The following UMAD1 variants were observed in gnomAD, a reference collection of about 807,000 sequenced individuals.
UMAD1 encodes the protein UBAP1-MVB12-associated (UMA) domain containing 1, also known as UBAP1-MVB12-associated (UMA)-domain containing protein 1.
In UMAD1, 8 loss-of-function variants were observed where a neutral mutation model predicts 6.1. That is an observed-to-expected ratio of 1.30 (90% CI 0.76 to 2.35). The LOEUF is 2.35. Ranked by LOEUF, UMAD1 falls within the 30% of genes most tolerant of loss-of-function variation. UMAD1 has a pLI of 0.00. For synonymous variants in UMAD1, 56 were observed against 31.4 expected (o/e 1.78, Z -2.61); for missense variants, 130 against 78.4 (o/e 1.66, Z -2.49).
chr7:7,859,905 A>G (rs1359127585), intron 3 of UMAD1, among the ~76,000 whole-genome samples: 2 of 152,182 alleles, frequency 1.3e-5, no homozygotes, highest in Non-Finnish European at 2.9e-5. Flanking sequence ...GCTTATGTAA[A>G]GTTTGTTACT....
intron 3 of UMAD1, among the ~76,000 whole-genome samples, chr7:7,854,355 C>CAAAAAAAAAAAAAAAA (rs34829393): frequency 2.0e-5 from 1 of 49,162 alleles, no homozygotes; most frequent in Non-Finnish European, 3.6e-5. Context: ...AGCTCCATCT[C>CAAAAAAAAAAAAAAAA]AAAAAAAAAA....
Position 7,729,859 on chromosome 7 carries a change from C to T in UMAD1, c.82+56406C>T, listed in dbSNP as rs112113556. 7.0e-4 allele frequency among the ~76,000 whole-genome samples: 106 copies of T among 152,306 alleles called. 2 individuals carry two copies. Among genetic ancestry groups the T allele is most frequent in the African/African-American group, 2.4e-3 (100 of 41,562 alleles). On this transcript the variant is annotated intron_variant, in intron 2 of 3. Transcript: ENST00000682710. ...TTTAAACCCAGAAATCCTACCCTCT[C>T]GTGTCAAGTTGTCCCTCTTTCCTGC...
intron 1 of UMAD1, among the ~76,000 whole-genome samples, chr7:7,659,650 T>G (rs2115087995): frequency 6.6e-6 from 1 of 152,346 alleles, no homozygotes; most frequent in South Asian, 2.1e-4. Context: ...TCTCATTTGA[T>G]TGCACTGTGG....
At chr7:7,647,193 G>C (rs549639755) in intron 1 of UMAD1, among the ~76,000 whole-genome samples, 35 of 152,258 alleles carry the variant, frequency 2.3e-4, no homozygotes, top group African/African-American at 8.4e-4. Flanking sequence ...ATAAGCAGGT[G>C]TACATTAAGT....
intron 2 of UMAD1, among the ~76,000 whole-genome samples, chr7:7,743,822 G>A (rs558105717): frequency 3.3e-5 from 5 of 151,702 alleles, no homozygotes; most frequent in Non-Finnish European, 5.9e-5. Context: ...ATTTAGTAGC[G>A]TTAATTATAT....
chr7:7,827,012 A>G (rs1399167192), intron 3 of UMAD1, among the ~76,000 whole-genome samples: 1 of 152,084 alleles, frequency 6.6e-6, no homozygotes, highest in Non-Finnish European at 1.5e-5. Flanking sequence ...TTATAAGACT[A>G]TTCAGAAAAT....
At chr7:7,742,982 A>G (rs1467839428) in intron 2 of UMAD1, among the ~76,000 whole-genome samples, 1 of 151,116 alleles carries the variant, frequency 6.6e-6, no homozygotes, top group Non-Finnish European at 1.5e-5. Flanking sequence ...CGTGCGTTTT[A>G]CACTCCATGC....
intron 3 of UMAD1, among the ~76,000 whole-genome samples, chr7:7,810,378 T>A (rs914792580): frequency 5.9e-5 from 9 of 152,124 alleles, no homozygotes; most frequent in Non-Finnish European, 1.2e-4. Context: ...GAAAATAGTC[T>A]TTTAAATCCA....
chr7:7,777,505 CAAAA>C (rs1191099834), intron 2 of UMAD1, among the ~76,000 whole-genome samples: 1 of 24,564 alleles, frequency 4.1e-5, no homozygotes, highest in African/African-American at 1.9e-4. Context: ...GACTCCATCT[CAAAA>C]AAAAAAAAAA....
intron 3 of UMAD1, among the ~76,000 whole-genome samples, chr7:7,829,628 A>G (rs1288604335): frequency 6.6e-6 from 1 of 152,246 alleles, no homozygotes; most frequent in Non-Finnish European, 1.5e-5. Flanking sequence ...TTTTTATTTT[A>G]AAGAAACATA....
intron 1 of UMAD1, among the ~76,000 whole-genome samples, chr7:7,649,830 A>G (rs1180960355): frequency 1.3e-5 from 2 of 152,176 alleles, no homozygotes; most frequent in African/African-American, 4.8e-5. Flanking sequence ...GAGAGGGCAC[A>G]TGAATTGGAT....
At chr7:7,802,919 A>G (rs955884686) in intron 3 of UMAD1, among the ~76,000 whole-genome samples, 7 of 152,232 alleles carry the variant, frequency 4.6e-5, no homozygotes, top group African/African-American at 1.7e-4. Flanking sequence ...ATATTTTGCA[A>G]TCAAGGAAAA....
At chr7:7,814,515 G>T (rs1783088188) in intron 3 of UMAD1, among the ~76,000 whole-genome samples, 1 of 151,926 alleles carries the variant, frequency 6.6e-6, no homozygotes, top group Non-Finnish European at 1.5e-5. Flanking sequence ...ATTTTTCCTG[G>T]ACGTAATTTT....
At chr7:7,654,210 C>G (rs746883237) in intron 1 of UMAD1, among the ~76,000 whole-genome samples, 3 of 152,208 alleles carry the variant, frequency 2.0e-5, no homozygotes, top group African/African-American at 7.2e-5. Context: ...TGACTATTCT[C>G]TAGTAGATAC....
intron 3 of UMAD1, among the ~76,000 whole-genome samples, chr7:7,817,980 A>AT (rs1482445436): frequency 2.6e-5 from 4 of 151,708 alleles, no homozygotes; most frequent in Non-Finnish European, 5.9e-5. Flanking sequence ...GGCTCAGCTA[A>AT]TTTTCTTTTT....
chr7:7,851,209 A>G (rs1306673262), intron 3 of UMAD1, among the ~76,000 whole-genome samples: 1 of 152,136 alleles, frequency 6.6e-6, no homozygotes, highest in African/African-American at 2.4e-5. Flanking sequence ...TTCAAGGGTC[A>G]TCCTTGTTGA....
intron 1 of UMAD1, among the ~76,000 whole-genome samples, chr7:7,661,757 G>T (rs1161805777): frequency 1.3e-5 from 2 of 152,168 alleles, no homozygotes; most frequent in Non-Finnish European, 2.9e-5. Context: ...CTGCTGGGAG[G>T]TGTCTCCCAG....
chr7:7,755,606 A>G (rs1781761590), intron 2 of UMAD1, among the ~76,000 whole-genome samples: 1 of 152,242 alleles, frequency 6.6e-6, no homozygotes, highest in Admixed American at 6.5e-5. Flanking sequence ...CCAGGCTTAA[A>G]GAAAAGGCTT....
At chr7:7,740,380 T>A (rs950320129) in intron 2 of UMAD1, among the ~76,000 whole-genome samples, 1 of 152,248 alleles carries the variant, frequency 6.6e-6, no homozygotes, top group Admixed American at 6.5e-5. Context: ...ATTGCAAGAT[T>A]ACTTTGTCTA....
Sources: allele counts gnomAD v4.1 joint callset (sites outside exome capture counted in the v4.1 genomes callset), GRCh38; gene constraint gnomAD v4.1.1; transcripts MANE v1.5; gene names NCBI Gene and HGNC (gene_info 2026-07-23, HGNC 2026-07-21).